CERKL: variants seen among roughly 807,000 people sequenced by gnomAD.
CERKL encodes the protein CERK like autophagy regulator, also known as ceramide kinase-like protein.
In CERKL, 61 loss-of-function variants were observed where a neutral mutation model predicts 63.4. The observed-to-expected ratio is 0.96, with a 90% CI of 0.78 to 1.19. The LOEUF is 1.19. Among genes scored for constraint, CERKL ranks in the 50% most tolerant of loss-of-function variants. The probability of loss-of-function intolerance (pLI) is 0.00; values close to 1 mark genes in which losing one functional copy is unlikely to be tolerated. For synonymous variants in CERKL, 250 were observed against 230.5 expected (o/e 1.08, Z -0.77); for missense variants, 675 against 655.5 (o/e 1.03, Z -0.33).
At chr2:181,582,023 C>T (rs1684535517) in intron 2 of CERKL, among the ~76,000 whole-genome samples, 1 of 152,188 alleles carries the variant, frequency 6.6e-6, no homozygotes, top group Admixed American at 6.5e-5. Context: ...ACATAAATCT[C>T]ATTTTCTGTT....
At chr2:181,601,558 T>C (rs554297378) in intron 2 of CERKL, among the ~76,000 whole-genome samples, 2 of 152,276 alleles carry the variant, frequency 1.3e-5, no homozygotes, top group East Asian at 1.9e-4. Flanking sequence ...TGAGACTCCA[T>C]TTAAAAATAA....
At chr2:181,656,662 G>C (rs893002833) in intron 1 of CERKL, 107 bp downstream of exon 1, 1 of 966,148 alleles carries the variant, frequency 1.0e-6, no homozygotes. Flanking sequence ...GGGGAGGGGA[G>C]GCGAGAAAAG....
Position 181,657,044 on chromosome 2 carries a change from G to C in CERKL, c.-38C>G, listed in dbSNP as rs1272492785. 2.0e-6 allele frequency: 3 copies of C among 1,530,160 alleles called. No individual in the cohort carries two copies. In the Admixed American group the frequency reaches 5.7e-5, roughly 29 times the overall value. 94.8% of individuals were successfully genotyped at this position (1,530,160 alleles called of 1,614,324 possible). Reference sequence around the variant, plus strand: ...GGCTGGGCCCGAGCCAGGGGTCCGGGGAGGCCTTTGGAGAAGGAGGTGGAG... The same window carrying C: ...GGCTGGGCCCGAGCCAGGGGTCCGGCGAGGCCTTTGGAGAAGGAGGTGGAG... On this transcript the variant is annotated 5_prime_UTR_variant, in exon 1 of 13. Coordinates refer to ENST00000410087, the MANE Select transcript of CERKL (RefSeq NM_201548.5).
At chr2:181,566,653 G>C (rs1016930253) in intron 3 of CERKL, among the ~76,000 whole-genome samples, 1 of 152,136 alleles carries the variant, frequency 6.6e-6, no homozygotes, top group African/African-American at 2.4e-5. Context: ...CCAATTATAA[G>C]AGACCCAGAC....
chr2:181,572,174 A>AT (rs1559083627), intron 3 of CERKL, among the ~76,000 whole-genome samples: 1 of 150,908 alleles, frequency 6.6e-6, no homozygotes, highest in African/African-American at 2.4e-5. Context: ...TCCTTCCCTC[A>AT]TTTTTTGTCT....
chr2:181,612,717 A>AT (rs1168324533), intron 1 of CERKL, among the ~76,000 whole-genome samples: 2 of 151,926 alleles, frequency 1.3e-5, no homozygotes, highest in Admixed American at 6.6e-5. Context: ...CCACTTGCTA[A>AT]TTTTTTCTTC....
At position 181,579,538 on chromosome 2, in the gene CERKL, T is replaced by C. The variant is rs1684409351; in HGVS notation, c.482-5654A>G. Among the ~76,000 whole-genome samples, 4 of 151,934 alleles carry C rather than the reference T, an allele frequency of 2.6e-5. No individual in the cohort carries two copies. In the South Asian group the frequency reaches 8.3e-4, roughly 31 times the overall value. On this transcript the variant is annotated intron_variant, in intron 2 of 12. Transcript: ENST00000410087. ...TAGGCTTGTTATGAGTTACAAATGCTTTTCCTAGTGTGTCATTTGCCTTAA... is the reference window on the plus strand; with the variant it reads ...TAGGCTTGTTATGAGTTACAAATGCCTTTCCTAGTGTGTCATTTGCCTTAA...
intron 4 of CERKL, among the ~76,000 whole-genome samples, chr2:181,562,293 C>T (rs1688483204): frequency 6.6e-6 from 1 of 152,158 alleles, no homozygotes; most frequent in African/African-American, 2.4e-5. Flanking sequence ...CAATGAATAC[C>T]CTACATTTAT....
At chr2:181,543,894 G>A (rs1275524822) in intron 11 of CERKL, among the ~76,000 whole-genome samples, 1 of 148,484 alleles carries the variant, frequency 6.7e-6, no homozygotes, top group African/African-American at 2.5e-5. Flanking sequence ...TGAGGCAGGA[G>A]AATCGCTTGA....
intron 1 of CERKL, among the ~76,000 whole-genome samples, chr2:181,607,107 G>A (rs1331482189): frequency 1.3e-5 from 2 of 152,102 alleles, no homozygotes; most frequent in Non-Finnish European, 2.9e-5. Flanking sequence ...AAAGCACAAA[G>A]CACACACTCC....
intron 1 of CERKL, among the ~76,000 whole-genome samples, chr2:181,621,649 GA>G (rs1686457110): frequency 6.6e-6 from 1 of 152,116 alleles, no homozygotes; most frequent in Non-Finnish European, 1.5e-5. Flanking sequence ...ACTATGATAA[GA>G]AGCCAAAACT....
At chr2:181,539,615 T>G (rs1490230333) in intron 11 of CERKL, among the ~76,000 whole-genome samples, 1 of 152,220 alleles carries the variant, frequency 6.6e-6, no homozygotes, top group Non-Finnish European at 1.5e-5. Context: ...AACTTGTCAA[T>G]TAGTTTAGCT....
At chr2:181,641,312 T>C (rs1486475720) in intron 1 of CERKL, among the ~76,000 whole-genome samples, 1 of 4,514 alleles carries the variant, frequency 2.2e-4, no homozygotes, top group African/African-American at 4.5e-4. Flanking sequence ...CATATATATA[T>C]ATATATATAT....
rs1187171573 is a variant in CERKL at position 181,537,580 on chromosome 2, CTG to C, written c.*602_*603del. The C allele has an allele frequency of 1.4e-5, 6 of 430,120 alleles. No individual in the cohort carries two copies. Among genetic ancestry groups the C allele is most frequent in the Middle Eastern group, 7.6e-4 (1 of 1,318 alleles). 26.6% of individuals were successfully genotyped at this position (430,120 alleles called of 1,614,324 possible). ...GTGAATCAAGGCAGACTTATGAAATCTGTATTATATTTGTAACAGAATATAGG... is the reference window on the plus strand; with the variant it reads ...GTGAATCAAGGCAGACTTATGAAATCTATTATATTTGTAACAGAATATAGG... On this transcript the variant is annotated 3_prime_UTR_variant, in exon 13 of 13. Transcript: ENST00000410087.
chr2:181,651,038 A>G (rs72885396), intron 1 of CERKL, among the ~76,000 whole-genome samples: 14,027 of 152,292 alleles, frequency 0.092, 826 homozygotes, highest in East Asian at 0.12. Context: ...AATCAGTAAT[A>G]AAGTCTTTCA....
At chr2:181,651,160 C>G (rs1433182028) in intron 1 of CERKL, among the ~76,000 whole-genome samples, 1 of 152,182 alleles carries the variant, frequency 6.6e-6, no homozygotes, top group Non-Finnish European at 1.5e-5. Flanking sequence ...AAAGGGAATA[C>G]TTCCAAACTC....
chr2:181,591,012 A>G (rs529961261), intron 2 of CERKL, among the ~76,000 whole-genome samples: 16 of 152,284 alleles, frequency 1.1e-4, no homozygotes, highest in African/African-American at 3.8e-4. Flanking sequence ...ATGTCCACAC[A>G]TGGGGAAGTG....
intron 2 of CERKL, among the ~76,000 whole-genome samples, chr2:181,592,751 C>A (rs1685040976): frequency 1.3e-5 from 2 of 152,072 alleles, no homozygotes; most frequent in Non-Finnish European, 2.9e-5. Flanking sequence ...AGCTGCATGA[C>A]CTTATCTGTA....
chr2:181,573,526 T>C (rs943541964), intron 3 of CERKL, among the ~76,000 whole-genome samples: 1 of 152,158 alleles, frequency 6.6e-6, no homozygotes, highest in African/African-American at 2.4e-5. Flanking sequence ...TGTTTAAGTC[T>C]GAAAAAATAT....
Sources: gnomAD v4.1 joint callset for allele counts (sites outside exome capture counted in the v4.1 genomes callset) on GRCh38, gnomAD v4.1.1 for gene constraint, MANE v1.5 for transcripts, NCBI Gene and HGNC (gene_info 2026-07-23, HGNC 2026-07-21) for gene names.